CEP112: variants seen among roughly 807,000 people sequenced by gnomAD.
CEP112 encodes the protein centrosomal protein of 112 kDa.
In CEP112, 127 loss-of-function variants were observed where a neutral mutation model predicts 153.0. The ratio of observed to expected loss-of-function variants is 0.83; its 90% CI spans 0.72 to 0.96. CEP112 has a LOEUF of 0.96. CEP112 is among the 40% of genes least tolerant of loss of function. The pLI is 0.00. For synonymous variants in CEP112, 358 were observed against 374.4 expected, an observed-to-expected ratio of 0.96 and a Z score of 0.51; for missense variants, 1,089 against 1,101.2, an observed-to-expected ratio of 0.99 and a Z score of 0.16.
chr17:65,689,332 C>A (rs1348607230), intron 23 of CEP112, 114 bp from the exon 24 acceptor site: 3 of 672,464 alleles, frequency 4.5e-6, no homozygotes, highest in Admixed American at 2.7e-5. Context: ...TACTCTTGTT[C>A]CAAAGCATTC....
chr17:65,796,669 A>G (rs1009394220), intron 21 of CEP112, among the ~76,000 whole-genome samples: 4 of 152,128 alleles, frequency 2.6e-5, no homozygotes, highest in Non-Finnish European at 1.5e-5. Flanking sequence ...GTTTGAAAAT[A>G]TCAGTTAAAG....
intron 24 of CEP112, among the ~76,000 whole-genome samples, chr17:65,669,144 C>T (rs1459422166): frequency 6.6e-6 from 1 of 152,168 alleles, no homozygotes; most frequent in East Asian, 1.9e-4. Context: ...GCCCTTCTCT[C>T]CTCACTGAAA....
At chr17:65,945,424 G>A (rs1452696184) in intron 18 of CEP112, among the ~76,000 whole-genome samples, 2 of 152,076 alleles carry the variant, frequency 1.3e-5, no homozygotes, top group East Asian at 1.9e-4. Flanking sequence ...TGAGAATAAG[G>A]CACGCATATA....
chr17:65,753,759 T>G (rs1019402592), intron 21 of CEP112, among the ~76,000 whole-genome samples: 1 of 152,194 alleles, frequency 6.6e-6, no homozygotes. Context: ...CTGTTCTAAG[T>G]GCTTTAAAAA....
At position 65,718,541 on chromosome 17, in the gene CEP112, C is replaced by T. The variant is rs533506578; in HGVS notation, c.2607+24527G>A. 2.6e-5 allele frequency among the ~76,000 whole-genome samples: 4 copies of T among 152,154 alleles called. No homozygotes were observed. In the South Asian group the frequency reaches 8.3e-4, roughly 32 times the overall value. On this transcript the variant is annotated intron_variant, in intron 23 of 26. Coordinates refer to ENST00000535342, the MANE Select transcript of CEP112 (RefSeq NM_001199165.4). ...AGCCCCTTAATTTTAATGTCTATTTCAGTGGAAGTTCAATGAGTATCTCCT... is the reference window on the plus strand; with the variant it reads ...AGCCCCTTAATTTTAATGTCTATTTTAGTGGAAGTTCAATGAGTATCTCCT...
intron 6 of CEP112, among the ~76,000 whole-genome samples, chr17:66,105,700 GGGA>G (rs953934056): frequency 1.3e-5 from 2 of 152,000 alleles, no homozygotes; most frequent in Non-Finnish European, 2.9e-5. Context: ...AGGCTGAGGT[GGGA>G]GGATGGTTTG....
chr17:65,776,645 T>C (rs1196937248), intron 21 of CEP112, among the ~76,000 whole-genome samples: 1 of 152,254 alleles, frequency 6.6e-6, no homozygotes, highest in Non-Finnish European at 1.5e-5. Flanking sequence ...TTATTTCCAA[T>C]ACTTAATCAT....
chr17:65,756,349 C>T lies in CEP112; in HGVS notation c.2395-5625G>A, dbSNP rs140984315. ...GGAACCTGGGAAGTGGAGGTTGCAG[C>T]GAGCTGAGATCGTGCCATTGCACTC... is the stretch of plus-strand genomic sequence containing the variant. On this transcript the variant is annotated intron_variant, in intron 21 of 26. Coordinates refer to ENST00000535342, the MANE Select transcript of CEP112 (RefSeq NM_001199165.4). 3.7e-4 allele frequency among the ~76,000 whole-genome samples: 50 copies of T among 133,744 alleles called. No individual in the cohort carries two copies. The East Asian group carries it at 5.9e-3, about 16-fold the overall frequency. The allele number at this position is 133,744 out of a possible 152,430, so 87.7% of individuals were successfully genotyped here.
At chr17:66,167,849 A>C (rs1250843399) in intron 4 of CEP112, among the ~76,000 whole-genome samples, 7 of 152,192 alleles carry the variant, frequency 4.6e-5, no homozygotes, top group Non-Finnish European at 8.8e-5. Flanking sequence ...GAGAGGATTC[A>C]ATCTGATGAC....
chr17:66,119,108 C>T (rs1187535631), intron 6 of CEP112, among the ~76,000 whole-genome samples: 1 of 152,126 alleles, frequency 6.6e-6, no homozygotes, highest in Non-Finnish European at 1.5e-5. Context: ...AAACCAACCA[C>T]CACACGTTCT....
intron 4 of CEP112, among the ~76,000 whole-genome samples, chr17:66,143,167 G>A (rs911439359): frequency 5.3e-5 from 8 of 152,122 alleles, no homozygotes; most frequent in African/African-American, 1.7e-4. Context: ...GAGAAGACAA[G>A]GCTCAGATTT....
chr17:65,683,306 G>A (rs1283877399), intron 24 of CEP112, among the ~76,000 whole-genome samples: 1 of 152,212 alleles, frequency 6.6e-6, no homozygotes, highest in Non-Finnish European at 1.5e-5. Flanking sequence ...ATGTTAAAGT[G>A]TGACTTTTAG....
intron 21 of CEP112, chr17:65,826,036 C>A: frequency 8.6e-7 from 1 of 1,165,804 alleles, no homozygotes; most frequent in Non-Finnish European, 1.3e-6. Flanking sequence ...CAAAATTCAT[C>A]TCCTTGAGAT....
At chr17:66,066,716 TCCA>T (rs954882145) in intron 10 of CEP112, 59 bp downstream of exon 10, 20 of 1,155,834 alleles carry the variant, frequency 1.7e-5, no homozygotes, top group Non-Finnish European at 2.2e-5. Context: ...AATTTTTTTC[TCCA>T]CATCACTAAA....
intron 8 of CEP112, among the ~76,000 whole-genome samples, chr17:66,094,134 A>G (rs201071787): frequency 3.3e-5 from 5 of 152,122 alleles, no homozygotes; most frequent in African/African-American, 1.2e-4. Context: ...ATCTTGGCTC[A>G]CTGCAACCTC....
rs531125965 is a variant in CEP112 at position 65,953,683 on chromosome 17, G to T, written c.1872+7780C>A. On this transcript the variant is annotated intron_variant, in intron 18 of 26. Transcript: ENST00000535342. ...GAGCAGGGTGAGGCCTTGACTGCTG[G>T]CTTTCCCCTACTTCCCTGGTGACCT... Among the ~76,000 whole-genome samples, 236 of 152,224 alleles carry T rather than the reference G, an allele frequency of 1.6e-3. 2 individuals carry two copies. Among genetic ancestry groups the T allele is most frequent in the African/African-American group, 5.4e-3 (223 of 41,522 alleles).
chr17:65,898,808 T>C (rs9905085), intron 20 of CEP112, among the ~76,000 whole-genome samples: 3,053 of 151,968 alleles, frequency 0.02, 107 homozygotes, highest in African/African-American at 0.07. Context: ...GGTCACAGAG[T>C]GGTCCTAAGA....
chr17:65,900,964 G>A (rs1227703186), intron 20 of CEP112, among the ~76,000 whole-genome samples: 1 of 152,138 alleles, frequency 6.6e-6, no homozygotes, highest in African/African-American at 2.4e-5. Context: ...AACAAAACCT[G>A]TGCTGTGTAT....
intron 19 of CEP112, among the ~76,000 whole-genome samples, chr17:65,910,358 C>T (rs914562703): frequency 6.6e-6 from 1 of 151,980 alleles, no homozygotes; most frequent in African/African-American, 2.4e-5. Flanking sequence ...CAGGTGCCCA[C>T]GTTAAGCCCA....
Sources: gnomAD v4.1 joint callset for allele counts (sites outside exome capture counted in the v4.1 genomes callset) on GRCh38, gnomAD v4.1.1 for gene constraint, MANE v1.5 for transcripts, NCBI Gene and HGNC (gene_info 2026-07-23, HGNC 2026-07-21) for gene names.